Variants in SHTN1 observed in about 807,000 individuals in gnomAD.
SHTN1 encodes the protein shootin 1.
A neutral mutation model predicts 83.1 loss-of-function variants in SHTN1; 42 were observed. That is an observed-to-expected ratio of 0.51 (90% CI 0.39 to 0.65). The LOEUF (loss-of-function observed/expected upper bound fraction) is 0.65. Ranked by LOEUF, SHTN1 falls within the 30% of genes least tolerant of loss-of-function variation. The probability of loss-of-function intolerance (pLI) is 0.00; values close to 1 mark genes in which losing one functional copy is unlikely to be tolerated. For synonymous variants in SHTN1, 224 were observed against 247.7 expected (o/e 0.90, Z 0.90); for missense variants, 622 against 737.8 (o/e 0.84, Z 1.82).
intron 14 of SHTN1, chr10:116,911,483 C>G (rs560408956): frequency 3.9e-6 from 6 of 1,550,288 alleles, no homozygotes; most frequent in Middle Eastern, 1.7e-4. Context: ...ATGTACGGAC[C>G]CTTACATATG....
intron 2 of SHTN1, among the ~76,000 whole-genome samples, chr10:116,977,972 A>G (rs1850870100): frequency 6.6e-6 from 1 of 152,176 alleles, no homozygotes; most frequent in African/African-American, 2.4e-5. Context: ...TGCAAGCACC[A>G]GCCCCTTCTA....
intron 4 of SHTN1, among the ~76,000 whole-genome samples, chr10:116,954,770 G>C (rs1377417572): frequency 2.0e-5 from 3 of 152,146 alleles, no homozygotes; most frequent in Non-Finnish European, 4.4e-5. Context: ...TTGGAGGCTG[G>C]AACAGAGCAA....
chr10:117,122,625 T>C (rs1289574021), intron 1 of SHTN1, among the ~76,000 whole-genome samples: 2 of 152,216 alleles, frequency 1.3e-5, no homozygotes, highest in Non-Finnish European at 2.9e-5. Context: ...CTTTTAAGGA[T>C]ATATTTTCAT....
At position 116,999,206 on chromosome 10, in the gene SHTN1, G is replaced by T. The variant is rs570166312; in HGVS notation, c.58+5816C>A. Among the ~76,000 whole-genome samples, 141 of 152,206 alleles carry T rather than the reference G, an allele frequency of 9.3e-4. 2 individuals are homozygous for T. The South Asian group carries it at 0.028, about 30-fold the overall frequency. ...ATCCAGAGGACATTAAATACATTGT[G>T]GTACGTCTGTACATTGGAACATTAA... is the stretch of plus-strand genomic sequence containing the variant. On this transcript the variant is annotated intron_variant, in intron 1 of 16. Coordinates refer to ENST00000355371, the MANE Select transcript of SHTN1 (RefSeq NM_001127211.3).
chr10:116,925,682 C>T (rs948857146), intron 11 of SHTN1, among the ~76,000 whole-genome samples: 1 of 152,208 alleles, frequency 6.6e-6, no homozygotes, highest in African/African-American at 2.4e-5. Flanking sequence ...AACCCTCTCC[C>T]CATGAACTAT....
chr10:117,109,005 T>G (rs957103939), intron 1 of SHTN1, among the ~76,000 whole-genome samples: 3 of 152,212 alleles, frequency 2.0e-5, no homozygotes, highest in African/African-American at 7.2e-5. Context: ...ACCTATTGAC[T>G]AAGACACTAG....
chr10:117,083,865 G>A (rs1347969337), intron 1 of SHTN1, among the ~76,000 whole-genome samples: 9 of 151,542 alleles, frequency 5.9e-5, no homozygotes, highest in African/African-American at 9.7e-5. Context: ...CATTCTTCAC[G>A]TAGTTCTCGA....
At chr10:117,075,383 T>C (rs1305276795) in intron 1 of SHTN1, among the ~76,000 whole-genome samples, 1 of 152,196 alleles carries the variant, frequency 6.6e-6, no homozygotes, top group Admixed American at 6.5e-5. Flanking sequence ...CAGCCTGTCA[T>C]GGAAATCACA....
intron 1 of SHTN1, among the ~76,000 whole-genome samples, chr10:117,091,455 C>T (rs1210859238): frequency 2.0e-5 from 3 of 152,136 alleles, no homozygotes; most frequent in Non-Finnish European, 4.4e-5. Flanking sequence ...CCATAAATGA[C>T]CTTTCCTTTC....
At chr10:117,095,560 C>T (rs1367753101) in intron 1 of SHTN1, among the ~76,000 whole-genome samples, 1 of 152,158 alleles carries the variant, frequency 6.6e-6, no homozygotes, top group Non-Finnish European at 1.5e-5. Flanking sequence ...AGGAGACTGA[C>T]TTTTTAAAAA....
intron 1 of SHTN1, among the ~76,000 whole-genome samples, chr10:116,982,310 T>C (rs1324823370): frequency 6.6e-6 from 1 of 152,146 alleles, no homozygotes; most frequent in South Asian, 2.1e-4. Context: ...CTTGTGACTA[T>C]GTACAACTTT....
intron 1 of SHTN1, among the ~76,000 whole-genome samples, chr10:117,096,123 T>C (rs1853500268): frequency 6.6e-6 from 1 of 152,226 alleles, no homozygotes; most frequent in Admixed American, 6.5e-5. Context: ...TTGATTCTAG[T>C]ATTCCTGAAC....
intron 2 of SHTN1, chr10:116,973,856 C>T (rs897013678): frequency 6.8e-5 from 87 of 1,283,598 alleles, no homozygotes; most frequent in Non-Finnish European, 8.4e-5. Context: ...ACCTGTTTAC[C>T]TGTTTAAGAA....
At chr10:116,934,422 G>A (rs994731034) in intron 9 of SHTN1, among the ~76,000 whole-genome samples, 1 of 152,136 alleles carries the variant, frequency 6.6e-6, no homozygotes, top group Non-Finnish European at 1.5e-5. Context: ...TATTAAATAG[G>A]GAATCCTTTC....
intron 1 of SHTN1, among the ~76,000 whole-genome samples, chr10:116,982,099 T>C (rs1362307332): frequency 1.3e-5 from 2 of 152,168 alleles, no homozygotes; most frequent in Non-Finnish European, 2.9e-5. Flanking sequence ...TGATCTTATA[T>C]TGACATTAAG....
chr10:117,005,171 T>C lies in SHTN1; in HGVS notation c.-92A>G. On this transcript the variant is annotated 5_prime_UTR_variant, in exon 1 of 17. Coordinates refer to ENST00000355371, the MANE Select transcript of SHTN1 (RefSeq NM_001127211.3). ...AAGAAAAAGCAAGATGCCGGTGGCT[T>C]GCGGCTCCACTACCCGGAAGTTGGA... 1.3e-6 allele frequency: 2 copies of C among 1,543,264 alleles called. No individual in the cohort carries two copies. Among genetic ancestry groups the C allele is most frequent in the Non-Finnish European group, 1.7e-6 (2 of 1,144,444 alleles).
chr10:117,083,144 A>G (rs1283825084), intron 1 of SHTN1, among the ~76,000 whole-genome samples: 1 of 149,544 alleles, frequency 6.7e-6, no homozygotes, highest in Non-Finnish European at 1.5e-5. Context: ...TGGTCTTTAC[A>G]TTTTGGCATG....
At chr10:117,007,287 G>C (rs1379895840), upstream of SHTN1, among the ~76,000 whole-genome samples, 1 of 151,678 alleles carries the variant, frequency 6.6e-6, no homozygotes, top group East Asian at 1.9e-4. Context: ...TACAAGCAGA[G>C]TGCCCATTAA....
chr10:117,028,435 G>A (rs1478316255), intron 2 of SHTN1, among the ~76,000 whole-genome samples: 1 of 152,178 alleles, frequency 6.6e-6, no homozygotes, highest in Admixed American at 6.5e-5. Context: ...AAGGAGCCAA[G>A]TGCTAGCAGC....
Sources: gnomAD v4.1 joint callset for allele counts (sites outside exome capture counted in the v4.1 genomes callset) on GRCh38, gnomAD v4.1.1 for gene constraint, MANE v1.5 for transcripts, NCBI Gene and HGNC (gene_info 2026-07-23, HGNC 2026-07-21) for gene names.